The following DAB1 variants were observed in gnomAD, a reference collection of about 807,000 sequenced individuals.
DAB1 encodes the protein DAB adaptor protein 1, also known as disabled homolog 1.
Under a neutral mutation model 64.6 loss-of-function variants are expected in DAB1, and 15 were observed. That is an observed-to-expected ratio of 0.23 (90% CI 0.16 to 0.36). The LOEUF (loss-of-function observed/expected upper bound fraction) is 0.36. Among genes scored for constraint, DAB1 ranks in the 10% least tolerant of loss-of-function variants. DAB1 has a pLI of 1.00. For missense variants in DAB1, 596 were observed against 706.7 expected, an observed-to-expected ratio of 0.84 and a Z score of 1.78; for synonymous variants, 235 against 251.9, an observed-to-expected ratio of 0.93 and a Z score of 0.64.
intron 7 of DAB1, among the ~76,000 whole-genome samples, chr1:57,439,418 G>GTTTTTTTTTTT: frequency 0.021 from 2,417 of 115,614 alleles, 264 homozygotes; most frequent in Non-Finnish European, 0.03. Flanking sequence ...TGGTGATGAG[G>GTTTTTTTTTTT]TTTTTTCTTT....
At chr1:57,157,918 AGGAAACGGAGGCACAG>A (rs1226120725) in intron 2 of DAB1, among the ~76,000 whole-genome samples, 2 of 152,214 alleles carry the variant, frequency 1.3e-5, no homozygotes, top group African/African-American at 4.8e-5. Flanking sequence ...TCAGAGAAGG[AGGAAACGGAGGCACAG>A]GGAAATGAAG....
chr1:57,790,745 G>A (rs1368764477), intron 6 of DAB1, among the ~76,000 whole-genome samples: 3 of 152,162 alleles, frequency 2.0e-5, no homozygotes, highest in African/African-American at 7.2e-5. Context: ...GCTAAAGAAT[G>A]AGAAAAGGAG....
At chr1:58,252,344 G>A (rs540918205) in intron 4 of DAB1, among the ~76,000 whole-genome samples, 10 of 152,142 alleles carry the variant, frequency 6.6e-5, no homozygotes, top group African/African-American at 1.9e-4. Flanking sequence ...GAAACATTTC[G>A]AGCAGGAAAG....
At chr1:57,886,189 G>A (rs911874336), upstream of DAB1, among the ~76,000 whole-genome samples, 12 of 136,496 alleles carry the variant, frequency 8.8e-5, no homozygotes, top group Admixed American at 7.8e-4. Flanking sequence ...TTTTTGAGAC[G>A]AAGTCTCCCT....
At chr1:57,220,728 C>T (rs1173935582) in intron 2 of DAB1, among the ~76,000 whole-genome samples, 9 of 152,056 alleles carry the variant, frequency 5.9e-5, no homozygotes, top group Admixed American at 1.3e-4. Context: ...GTTAGAATGG[C>T]GATCATTAAA....
intron 6 of DAB1, among the ~76,000 whole-genome samples, chr1:57,759,199 G>T (rs1457383844): frequency 2.6e-5 from 4 of 152,106 alleles, no homozygotes; most frequent in Admixed American, 1.3e-4. Context: ...AATTCCAGGG[G>T]TCACTGCATG....
At position 58,230,334 on chromosome 1, in the gene DAB1, C is replaced by T. The variant is rs138208987; in HGVS notation, n.310-79746G>A. Among the ~76,000 whole-genome samples, 37 of 152,276 alleles carry T rather than the reference C, an allele frequency of 2.4e-4. 1 individual carries two copies. The highest frequency in any genetic ancestry group is 7.5e-4 in the African/African-American group (31 of 41,560). On this transcript the variant is annotated intron_variant and non_coding_transcript_variant, in intron 4 of 20. Transcript: ENST00000485760. ...AATGGTGAGAAGACTTTAAAAACTG[C>T]TCTCAGCTTTGTGTGTAATAGCCAC...
intron 1 of DAB1, among the ~76,000 whole-genome samples, chr1:57,862,009 G>A (rs1290672618): frequency 6.6e-6 from 1 of 151,946 alleles, no homozygotes; most frequent in African/African-American, 2.4e-5. Flanking sequence ...TTCTATGGGT[G>A]CCCATTTTAT....
chr1:57,476,226 C>CAAAAAAAA (rs57483030), intron 7 of DAB1, among the ~76,000 whole-genome samples: 1 of 57,164 alleles, frequency 1.7e-5, no homozygotes, highest in Admixed American at 1.9e-4. Flanking sequence ...AACTCCACTT[C>CAAAAAAAA]AAAAAAAAAA....
intron 4 of DAB1, among the ~76,000 whole-genome samples, chr1:58,341,328 G>T (rs897802330): frequency 6.6e-6 from 1 of 152,108 alleles, no homozygotes; most frequent in Non-Finnish European, 1.5e-5. Context: ...GCCCAGGAAA[G>T]TCGCATGCTT....
chr1:57,136,148 T>A (rs1191852231), intron 4 of DAB1, among the ~76,000 whole-genome samples: 1 of 152,188 alleles, frequency 6.6e-6, no homozygotes, highest in Non-Finnish European at 1.5e-5. Flanking sequence ...TGCTCCAGGT[T>A]AAACTCAAGA....
intron 5 of DAB1, among the ~76,000 whole-genome samples, chr1:58,144,868 C>T (rs1366692441): frequency 6.6e-6 from 1 of 152,180 alleles, no homozygotes; most frequent in East Asian, 1.9e-4. Context: ...GCCCTTGCTG[C>T]TATTCCAGTC....
chr1:57,967,914 A>C (rs772027761), intron 5 of DAB1, among the ~76,000 whole-genome samples: 1 of 152,304 alleles, frequency 6.6e-6, no homozygotes, highest in Middle Eastern at 3.4e-3. Context: ...AACTTCTCAA[A>C]ATTTTTGCAT....
chr1:58,037,597 G>A, intron 5 of DAB1, among the ~76,000 whole-genome samples: 1 of 152,136 alleles, frequency 6.6e-6, no homozygotes, highest in East Asian at 1.9e-4. Context: ...ATTGATCTGA[G>A]GTGGAACAGT....
At chr1:57,336,713 C>G (rs533519798) in intron 1 of DAB1, among the ~76,000 whole-genome samples, 1 of 152,214 alleles carries the variant, frequency 6.6e-6, no homozygotes, top group East Asian at 1.9e-4. Flanking sequence ...ATTATTCTGC[C>G]CCTTACAAGA....
chr1:57,441,286 CTTTCTTTCTT>C (rs1685941552), intron 7 of DAB1, among the ~76,000 whole-genome samples: 4 of 28,440 alleles, frequency 1.4e-4, no homozygotes, highest in Non-Finnish European at 2.1e-4. Context: ...TTCTTTCTTT[CTTTCTTTCTT>C]TCTTTCTTTC....
At chr1:58,108,989 A>T (rs190142303) in intron 5 of DAB1, among the ~76,000 whole-genome samples, 1 of 152,348 alleles carries the variant, frequency 6.6e-6, no homozygotes, top group African/African-American at 2.4e-5. Context: ...CAACTCAGGC[A>T]TTGGAAAGTA....
At chr1:57,191,349 G>A (rs1331225031) in intron 2 of DAB1, among the ~76,000 whole-genome samples, 1 of 152,060 alleles carries the variant, frequency 6.6e-6, no homozygotes, top group Non-Finnish European at 1.5e-5. Flanking sequence ...AATTTGTAGG[G>A]GATATTTCAA....
Position 57,069,303 on chromosome 1 carries a change from A to T in DAB1, c.663+57T>A, listed in dbSNP as rs1012500501. Reference sequence around the variant, plus strand: ...ACCCTTGGTTCTTTAGACTATCAGTACATTTATGCATGTACTAGTAGTGGT... The same window carrying T: ...ACCCTTGGTTCTTTAGACTATCAGTTCATTTATGCATGTACTAGTAGTGGT... On this transcript the variant is annotated intron_variant, in intron 8 of 14. Coordinates refer to ENST00000371236, the MANE Select transcript of DAB1 (RefSeq NM_001365792.1). 2.2e-6 allele frequency: 3 copies of T among 1,358,550 alleles called. No individual in the cohort carries two copies. The African/African-American group carries it at 4.3e-5, about 19-fold the overall frequency. 84.2% of individuals were successfully genotyped at this position (1,358,550 alleles called of 1,614,324 possible). A position where few individuals can be genotyped will look rare whatever the true frequency, so the allele number is the denominator to read the frequency against.
Sources: allele counts gnomAD v4.1 joint callset (sites outside exome capture counted in the v4.1 genomes callset), GRCh38; gene constraint gnomAD v4.1.1; transcripts MANE v1.5; gene names NCBI Gene and HGNC (gene_info 2026-07-23, HGNC 2026-07-21).